ACSS3: variants seen among roughly 807,000 people sequenced by gnomAD.
The protein encoded by ACSS3 is acyl-CoA synthetase short chain family member 3.
A neutral mutation model predicts 84.2 loss-of-function variants in ACSS3; 64 were observed. The ratio of observed to expected loss-of-function variants is 0.76; its 90% CI spans 0.62 to 0.94. The LOEUF (loss-of-function observed/expected upper bound fraction) is 0.94. ACSS3 is among the 40% of genes least tolerant of loss of function. The pLI is 0.00. For missense variants in ACSS3, 815 were observed against 867.6 expected (o/e 0.94, Z 0.76); for synonymous variants, 317 against 310.1 (o/e 1.02, Z -0.23).
chr12:81,108,268 A>ATTATTAT (rs1883257044), intron 1 of ACSS3, among the ~76,000 whole-genome samples: 1 of 56,582 alleles, frequency 1.8e-5, no homozygotes, highest in Non-Finnish European at 6.5e-5. Flanking sequence ...ATTATTAATT[A>ATTATTAT]TTATTATTAT....
intron 4 of ACSS3, among the ~76,000 whole-genome samples, chr12:81,140,686 TA>T (rs963123797): frequency 6.6e-6 from 1 of 152,154 alleles, no homozygotes; most frequent in Non-Finnish European, 1.5e-5. Flanking sequence ...GCACTTTTTT[TA>T]AAAAAGCTTC....
intron 13 of ACSS3, among the ~76,000 whole-genome samples, chr12:81,251,312 T>C (rs1412023988): frequency 6.6e-6 from 1 of 152,146 alleles, no homozygotes; most frequent in East Asian, 1.9e-4. Context: ...ACCTGTCTTA[T>C]ACATTTGACA....
At chr12:81,151,220 T>G (rs1188165367) in intron 5 of ACSS3, among the ~76,000 whole-genome samples, 1 of 152,174 alleles carries the variant, frequency 6.6e-6, no homozygotes, top group Non-Finnish European at 1.5e-5. Context: ...TGATCCCTAC[T>G]TTTGCCCAAA....
rs984394797 is a variant in ACSS3, at chr12:81,255,419, C to A, written c.*497C>A. ...TGAAATGGGAAGTTTAGGTAATCAT[C>A]TAGACAGATGAAATTATTATCTAGG... is the stretch of plus-strand genomic sequence containing the variant. On this transcript the variant is annotated 3_prime_UTR_variant, in exon 16 of 16. Coordinates refer to ENST00000548058, the MANE Select transcript of ACSS3 (RefSeq NM_024560.4). 3 of 152,308 alleles carry A rather than the reference C, an allele frequency of 2.0e-5. No homozygotes were observed. The highest frequency in any genetic ancestry group is 7.2e-5 in the African/African-American group (3 of 41,404). The allele number at this position is 152,308 out of a possible 1,614,324, so 9.4% of individuals were successfully genotyped here.
Position 81,259,698 on chromosome 12 carries a change from G to A in ACSS3, c.*4776G>A, listed in dbSNP as rs1244336651. The A allele has an allele frequency of 2.6e-6, 4 of 1,524,054 alleles. No individual in the cohort carries two copies. The highest frequency in any genetic ancestry group is 3.5e-6 in the Non-Finnish European group (4 of 1,136,784). The allele number at this position is 1,524,054 out of a possible 1,614,324, so 94.4% of individuals were successfully genotyped here. On this transcript the variant is annotated 3_prime_UTR_variant, in exon 16 of 16. Coordinates refer to ENST00000548058, the MANE Select transcript of ACSS3 (RefSeq NM_024560.4). ...ATGGATAGCATTAGTTCACTGAAAAGTCCCAGACTGGGAAATCTCATTCTA... is the reference window on the plus strand; with the variant it reads ...ATGGATAGCATTAGTTCACTGAAAAATCCCAGACTGGGAAATCTCATTCTA...
intron 1 of ACSS3, among the ~76,000 whole-genome samples, chr12:81,092,150 T>G (rs539056185): frequency 6.6e-6 from 1 of 152,220 alleles, no homozygotes; most frequent in East Asian, 1.9e-4. Context: ...TTTTATTTTG[T>G]TTTTTAGCCC....
chr12:81,229,716 C>T (rs1034626751), intron 11 of ACSS3, among the ~76,000 whole-genome samples: 26 of 151,696 alleles, frequency 1.7e-4, no homozygotes, highest in Admixed American at 1.7e-3. Context: ...ATTAAAATAC[C>T]CTTACGTGCA....
intron 7 of ACSS3, among the ~76,000 whole-genome samples, chr12:81,153,470 G>GTGCAGATAT (rs1886716602): frequency 6.6e-6 from 1 of 151,546 alleles, no homozygotes; most frequent in East Asian, 1.9e-4. Context: ...TACACTTAAA[G>GTGCAGATAT]TGCAGATATT....
chr12:81,134,164 T>C (rs553156252), intron 2 of ACSS3, among the ~76,000 whole-genome samples: 83 of 152,188 alleles, frequency 5.5e-4, no homozygotes, highest in Non-Finnish European at 9.6e-4. Context: ...ATAAAGGCAG[T>C]AGAAAGAGCA....
At chr12:81,232,962 G>A (rs1175854779) in intron 12 of ACSS3, among the ~76,000 whole-genome samples, 1 of 151,202 alleles carries the variant, frequency 6.6e-6, no homozygotes, top group Non-Finnish European at 1.5e-5. Context: ...TTATTCATTG[G>A]GAGCTTTAAA....
rs907526469 is a variant in ACSS3, at chr12:81,201,438, C to A, written c.1354+1994C>A. On this transcript the variant is annotated intron_variant, in intron 9 of 15. Coordinates refer to ENST00000548058, the MANE Select transcript of ACSS3 (RefSeq NM_024560.4). ...CATTCACAAATAAAATTATAAAATT[C>A]TTTTACTTTTTCTTATAGACACCTT... is the stretch of plus-strand genomic sequence containing the variant. 2.0e-5 allele frequency among the ~76,000 whole-genome samples: 3 copies of A among 152,148 alleles called. No individual in the cohort carries two copies. In the East Asian group the frequency reaches 5.8e-4, roughly 29 times the overall value.
chr12:81,225,378 C>T (rs565850510), intron 11 of ACSS3, among the ~76,000 whole-genome samples: 11 of 152,022 alleles, frequency 7.2e-5, no homozygotes, highest in Non-Finnish European at 7.4e-5. Flanking sequence ...TTATTTTATC[C>T]TATCAATTAC....
At chr12:81,104,079 A>G (rs1324656064) in intron 1 of ACSS3, among the ~76,000 whole-genome samples, 5 of 152,230 alleles carry the variant, frequency 3.3e-5, no homozygotes, top group Admixed American at 6.5e-5. Context: ...GCCAAATACA[A>G]TAAAAAACCT....
At chr12:81,247,035 A>AT (rs982953693) in intron 13 of ACSS3, among the ~76,000 whole-genome samples, 8 of 146,342 alleles carry the variant, frequency 5.5e-5, no homozygotes, top group East Asian at 2.1e-4. Context: ...CTTAAATGTG[A>AT]TTTTTTTTGA....
intron 8 of ACSS3, among the ~76,000 whole-genome samples, chr12:81,194,377 A>G (rs564950963): frequency 2.6e-5 from 4 of 151,892 alleles, no homozygotes; most frequent in Non-Finnish European, 4.4e-5. Context: ...AATTGATAAA[A>G]TAACAATAAC....
At chr12:81,181,733 TTCAA>T (rs2030937480) in intron 8 of ACSS3, among the ~76,000 whole-genome samples, 1 of 61,706 alleles carries the variant, frequency 1.6e-5, no homozygotes, top group Admixed American at 1.9e-4. Context: ...AGCCAAAGAT[TTCAA>T]TCAATTAAGC....
In ACSS3 at chr12:81,231,052, A is replaced by G. The variant is rs200582542; in HGVS notation, c.1515-5A>G. ...ATAATTTTAACTTCTCTGTTTTTAT[A>G]TAAGGTTACCATTGCCACCTGGGGC... is the stretch of plus-strand genomic sequence containing the variant. On this transcript the variant is annotated splice_region_variant and splice_polypyrimidine_tract_variant and intron_variant, in intron 11 of 15. Transcript: ENST00000548058. 16 of 1,606,646 alleles carry G rather than the reference A, an allele frequency of 1.0e-5. No homozygotes were observed. Among genetic ancestry groups the G allele is most frequent in the East Asian group, 8.9e-5 (4 of 44,704 alleles).
chr12:81,215,290 C>T (rs1043709559), intron 9 of ACSS3, among the ~76,000 whole-genome samples: 1 of 151,418 alleles, frequency 6.6e-6, no homozygotes, highest in Non-Finnish European at 1.5e-5. Flanking sequence ...CTTTGTTAAA[C>T]ATCAGAAATG....
At chr12:81,206,246 C>T (rs1262365257) in intron 9 of ACSS3, among the ~76,000 whole-genome samples, 1 of 152,062 alleles carries the variant, frequency 6.6e-6, no homozygotes, top group East Asian at 1.9e-4. Flanking sequence ...CTTTAAAGTA[C>T]ATGTCTGTGT....
Sources: allele counts gnomAD v4.1 joint callset (sites outside exome capture counted in the v4.1 genomes callset), GRCh38; gene constraint gnomAD v4.1.1; transcripts MANE v1.5; gene names NCBI Gene and HGNC (gene_info 2026-07-23, HGNC 2026-07-21).